Variants in RILPL1 observed in about 807,000 individuals in gnomAD.
RILPL1 encodes RILP-like protein 1.
RILPL1 carries 33 observed loss-of-function variants against 50.3 expected under a neutral mutation model. The observed-to-expected ratio is 0.66, with a 90% CI of 0.50 to 0.88. The LOEUF (loss-of-function observed/expected upper bound fraction) is 0.88, where lower values mean the gene tolerates loss of function less well. Among genes scored for constraint, RILPL1 ranks in the 40% least tolerant of loss-of-function variants. The pLI is 0.00. For missense variants in RILPL1, 418 were observed against 542.5 expected (o/e 0.77, Z 2.28); for synonymous variants, 205 against 228.6 (o/e 0.90, Z 0.93).
chr12:123,471,072 C>CTTTTTTTT lies in RILPL1; in HGVS notation c.*1458_*1465dup, dbSNP rs869229964. ...AATTCACCTGATGGTTTCTTTCTTT[C>CTTTTTTTT]TTTTTTTTTTTTTTTTTAGATGAAG... On this transcript the variant is annotated 3_prime_UTR_variant, in exon 7 of 7. Coordinates refer to ENST00000376874, the MANE Select transcript of RILPL1 (RefSeq NM_178314.5). 7.4e-6 allele frequency: 1 copy of CTTTTTTTT among 134,498 alleles called. No homozygotes were observed. 8.3% of individuals were successfully genotyped at this position (134,498 alleles called of 1,614,324 possible).
In RILPL1 at chr12:123,533,624, AGCGGGCGGCGGGC is replaced by A; in HGVS notation, c.-155_-143del. Reference sequence around the variant, plus strand: ...GCGCTGGGGCGAGGGCGCAGCGGGCAGCGGGCGGCGGGCGCGGGCGCGGGCACGGGCGGCGGCG... The same window carrying A: ...GCGCTGGGGCGAGGGCGCAGCGGGCAGCGGGCGCGGGCACGGGCGGCGGCG... On this transcript the variant is annotated 5_prime_UTR_variant, in exon 1 of 7. Transcript: ENST00000376874. The surrounding 1 kb of genome is among the most constrained non-coding windows in gnomAD (Gnocchi z 6.2). 1.6e-5 allele frequency: 8 copies of A among 496,356 alleles called. No homozygotes were observed. Among genetic ancestry groups the A allele is most frequent in the Non-Finnish European group, 2.1e-5 (8 of 385,994 alleles). 30.7% of individuals were successfully genotyped at this position (496,356 alleles called of 1,614,324 possible). A position where few individuals can be genotyped will look rare whatever the true frequency, so the allele number is the denominator to read the frequency against.
chr12:123,512,457 T>C (rs975263298), intron 2 of RILPL1, among the ~76,000 whole-genome samples: 2 of 134,008 alleles, frequency 1.5e-5, no homozygotes, highest in African/African-American at 5.8e-5. Context: ...GTGAGGTCTG[T>C]ATGTGTGTGT....
chr12:123,511,772 TGTGTGTGTG>T (rs1188208361), intron 2 of RILPL1, among the ~76,000 whole-genome samples: 2 of 137,746 alleles, frequency 1.5e-5, no homozygotes, highest in South Asian at 2.4e-4. Flanking sequence ...GTGAGGTTTG[TGTGTGTGTG>T]GTGTGTGTGA....
chr12:123,506,465 G>C (rs1256882316), intron 2 of RILPL1, among the ~76,000 whole-genome samples: 8 of 152,200 alleles, frequency 5.3e-5, no homozygotes, highest in African/African-American at 1.4e-4. Flanking sequence ...CCAGGAAGGG[G>C]CAGCCAGAGA....
At chr12:123,504,666 G>A (rs1883622643) in intron 2 of RILPL1, among the ~76,000 whole-genome samples, 1 of 151,994 alleles carries the variant, frequency 6.6e-6, no homozygotes, top group South Asian at 2.1e-4. Flanking sequence ...TTTACACCCT[G>A]GACCTTATTT....
At position 123,533,661 on chromosome 12, in the gene RILPL1, C is replaced by T. The variant is rs1161411118; in HGVS notation, c.-179G>A. On this transcript the variant is annotated 5_prime_UTR_variant, in exon 1 of 7. Coordinates refer to ENST00000376874, the MANE Select transcript of RILPL1 (RefSeq NM_178314.5). This position sits in a 1 kb window ranked among gnomAD's most constrained non-coding sequence, Gnocchi z 6.2. Reference sequence around the variant, plus strand: ...GCGCGGGCGCGGGCACGGGCGGCGGCGCGGGGTGTGCGGGCCCGGGGTCTG... The same window carrying T: ...GCGCGGGCGCGGGCACGGGCGGCGGTGCGGGGTGTGCGGGCCCGGGGTCTG... 1.9e-5 allele frequency: 4 copies of T among 209,822 alleles called. No individual in the cohort carries two copies. The highest frequency in any genetic ancestry group is 6.8e-5 in the Admixed American group (1 of 14,750). 13.0% of individuals were successfully genotyped at this position (209,822 alleles called of 1,614,324 possible). A position where few individuals can be genotyped will look rare whatever the true frequency, so the allele number is the denominator to read the frequency against.
At chr12:123,484,058 G>A (rs575906592) in intron 6 of RILPL1, 122 bp downstream of exon 6, 52 of 641,014 alleles carry the variant, frequency 8.1e-5, no homozygotes, top group African/African-American at 6.0e-4. Flanking sequence ...CAGGCCAGAC[G>A]TCTCAGCAGG....
chr12:123,480,607 T>C (rs922983510), intron 6 of RILPL1, among the ~76,000 whole-genome samples: 17 of 151,990 alleles, frequency 1.1e-4, no homozygotes, highest in African/African-American at 4.1e-4. Context: ...AACTCAAAGC[T>C]GTAGCTATCA....
intron 2 of RILPL1, among the ~76,000 whole-genome samples, chr12:123,512,836 G>A (rs1194223529): frequency 1.3e-5 from 2 of 148,366 alleles, no homozygotes; most frequent in African/African-American, 5.0e-5. Flanking sequence ...TGAGGTCTGT[G>A]TGTGCTGTGT....
chr12:123,513,400 G>T, intron 2 of RILPL1: 1 of 358,958 alleles, frequency 2.8e-6, no homozygotes. Flanking sequence ...CCCGAGAGGT[G>T]GGCGGGAGGC....
intron 2 of RILPL1, among the ~76,000 whole-genome samples, chr12:123,521,783 T>C (rs1885075529): frequency 6.7e-6 from 1 of 148,770 alleles, no homozygotes; most frequent in South Asian, 2.1e-4. Flanking sequence ...ATATATACTT[T>C]TTTTTTTGAG....
chr12:123,493,942 G>A (rs879853183), intron 4 of RILPL1, among the ~76,000 whole-genome samples: 4 of 152,026 alleles, frequency 2.6e-5, no homozygotes, highest in Non-Finnish European at 4.4e-5. Flanking sequence ...CCACCACCAC[G>A]CCTGGCTTTT....
intron 2 of RILPL1, among the ~76,000 whole-genome samples, chr12:123,511,318 GGT>G (rs531023180): frequency 1.8e-5 from 2 of 110,284 alleles, no homozygotes; most frequent in East Asian, 2.5e-4. Context: ...CTGTGTGTGT[GGT>G]GTGTGAGGTC....
intron 1 of RILPL1, among the ~76,000 whole-genome samples, chr12:123,524,463 T>C (rs767981763): frequency 7.2e-5 from 11 of 152,236 alleles, no homozygotes; most frequent in Middle Eastern, 6.8e-3. Flanking sequence ...GAACACAATG[T>C]CCACATGAAA....
intron 4 of RILPL1, among the ~76,000 whole-genome samples, chr12:123,496,561 G>A (rs921241191): frequency 1.3e-5 from 2 of 152,214 alleles, no homozygotes; most frequent in African/African-American, 2.4e-5. Context: ...ACAAGCCTGA[G>A]TGTGTCCCTA....
At chr12:123,481,353 C>T (rs575112066) in intron 6 of RILPL1, among the ~76,000 whole-genome samples, 41 of 143,314 alleles carry the variant, frequency 2.9e-4, no homozygotes, top group African/African-American at 1.1e-3. Context: ...AGTGAGACTC[C>T]CTCTCAAAAA....
At chr12:123,520,594 G>C (rs558404090) in intron 2 of RILPL1, among the ~76,000 whole-genome samples, 256 of 152,220 alleles carry the variant, frequency 1.7e-3, no homozygotes, top group African/African-American at 5.5e-3. Context: ...AAACAAAAAA[G>C]TCCTCCTTCT....
chr12:123,499,732 A>G (rs1202614555), intron 2 of RILPL1, among the ~76,000 whole-genome samples, 196 bp from the exon 3 acceptor site: 1 of 151,798 alleles, frequency 6.6e-6, no homozygotes, highest in East Asian at 2.0e-4. Flanking sequence ...CCCCGAGGTC[A>G]TTCCCACCTT....
chr12:123,504,690 A>C (rs940667870), intron 2 of RILPL1, among the ~76,000 whole-genome samples: 2 of 152,034 alleles, frequency 1.3e-5, no homozygotes, highest in African/African-American at 4.8e-5. Flanking sequence ...TCTCATTCCC[A>C]ACCACTGGAA....
Sources: allele counts gnomAD v4.1 joint callset (sites outside exome capture counted in the v4.1 genomes callset), GRCh38; gene constraint gnomAD v4.1.1; non-coding constraint Gnocchi (gnomAD v3.1); transcripts MANE v1.5; gene names NCBI Gene and HGNC (gene_info 2026-07-23, HGNC 2026-07-21).